The following CWF19L1 variants were observed in gnomAD, a reference collection of about 807,000 sequenced individuals.
CWF19L1 encodes the protein CWF19-like protein 1.
CWF19L1 carries 60 observed loss-of-function variants against 69.7 expected under a neutral mutation model. That is an observed-to-expected ratio of 0.86 (90% CI 0.70 to 1.07). CWF19L1 has a LOEUF of 1.07. CWF19L1 is among the 50% of genes least tolerant of loss of function. The pLI is 0.00. For missense variants in CWF19L1, 591 were observed against 638.9 expected (o/e 0.92, Z 0.81); for synonymous variants, 209 against 222.2 (o/e 0.94, Z 0.53).
intron 1 of CWF19L1, 36 bp downstream of exon 1, chr10:100,267,535 A>G: frequency 6.2e-7 from 1 of 1,614,094 alleles, no homozygotes; most frequent in Non-Finnish European, 8.5e-7. Context: ...CACGAAAGAG[A>G]CACAGGGAGA....
At position 100,239,433 on chromosome 10, in the gene CWF19L1, G is replaced by A. The variant is rs552334489; in HGVS notation, c.1045-1202C>T. Among the ~76,000 whole-genome samples, 454 of 152,310 alleles carry A rather than the reference G, an allele frequency of 3.0e-3. 4 individuals are homozygous for A. The highest frequency in any genetic ancestry group is 0.011 in the African/African-American group (443 of 41,572). On this transcript the variant is annotated intron_variant, in intron 10 of 13. Coordinates refer to ENST00000354105, the MANE Select transcript of CWF19L1 (RefSeq NM_018294.6). ...AGGCAAATGGATCGCGAGGTCAGGA[G>A]TTCAAGACCAGCCTGGCCAACAAGG...
chr10:100,259,949 G>A (rs951594901), intron 4 of CWF19L1, among the ~76,000 whole-genome samples: 2 of 152,128 alleles, frequency 1.3e-5, no homozygotes, highest in African/African-American at 4.8e-5. Context: ...GGCGGATCAC[G>A]AGGTAAGGAG....
intron 1 of CWF19L1, among the ~76,000 whole-genome samples, chr10:100,265,538 T>C (rs929570507): frequency 2.8e-4 from 43 of 151,178 alleles, no homozygotes; most frequent in African/African-American, 1.0e-3. Flanking sequence ...TTTTTTTTTT[T>C]TTGAGACAGT....
intron 8 of CWF19L1, among the ~76,000 whole-genome samples, chr10:100,246,390 G>A (rs1846819943): frequency 1.3e-5 from 2 of 152,178 alleles, no homozygotes; most frequent in East Asian, 3.8e-4. Flanking sequence ...AAATTAATTT[G>A]AGAAAACTCT....
rs587780326 is a variant in CWF19L1, at chr10:100,245,798, C to T, written c.964+1G>A. ...GAAACCTCTGGAATAAAGGTACTTA[C>T]GAGGTTTGCGAGGCTGCTTTGGATG... is the stretch of plus-strand genomic sequence containing the variant. On this transcript the variant is annotated splice_donor_variant, in intron 9 of 13. Coordinates refer to ENST00000354105, the MANE Select transcript of CWF19L1 (RefSeq NM_018294.6). LOFTEE classifies it high-confidence loss of function. The T allele has an allele frequency of 8.2e-5, 132 of 1,608,136 alleles. No homozygotes were observed. The highest frequency in any genetic ancestry group is 6.6e-5 in the Non-Finnish European group (77 of 1,174,706).
rs1049651908 is a variant in CWF19L1, at chr10:100,257,412, G to A, written c.290-936C>T. Among the ~76,000 whole-genome samples the A allele has an allele frequency of 8.9e-5, 13 of 146,474 alleles. No individual in the cohort carries two copies. The East Asian group carries it at 2.4e-3, about 27-fold the overall frequency. On this transcript the variant is annotated intron_variant, in intron 4 of 13. Coordinates refer to ENST00000354105, the MANE Select transcript of CWF19L1 (RefSeq NM_018294.6). ...CCTCCCGGGTTCAAGTGATTCTCCT[G>A]CCTCAGCCTCCCAAGTAGCTGGGAC...
At chr10:100,248,088 G>C (rs1031719352) in intron 7 of CWF19L1, among the ~76,000 whole-genome samples, 19 of 152,126 alleles carry the variant, frequency 1.2e-4, no homozygotes, top group Non-Finnish European at 4.4e-5. Flanking sequence ...ACATGTCCCT[G>C]AGAATAAAAC....
intron 11 of CWF19L1, chr10:100,237,191 T>G: frequency 1.4e-6 from 1 of 722,998 alleles, no homozygotes; most frequent in Non-Finnish European, 2.6e-6. Context: ...AGGAAAGGCT[T>G]AAGAGAGATA....
chr10:100,246,766 A>G (rs1366011489), intron 8 of CWF19L1, 29 bp downstream of exon 8: 2 of 1,580,832 alleles, frequency 1.3e-6, no homozygotes, highest in African/African-American at 1.4e-5. Context: ...GAACACATAT[A>G]AAAATGCCAA....
At chr10:100,247,946 G>GA (rs1018725462) in intron 7 of CWF19L1, among the ~76,000 whole-genome samples, 38 of 147,282 alleles carry the variant, frequency 2.6e-4, no homozygotes, top group East Asian at 1.8e-3. Context: ...TATGGAGGGG[G>GA]AAAAAAAAAA....
chr10:100,251,254 G>C (rs374696329), intron 6 of CWF19L1, among the ~76,000 whole-genome samples: 1 of 152,128 alleles, frequency 6.6e-6, no homozygotes, highest in Admixed American at 6.5e-5. Context: ...CCGTTACCAT[G>C]CTGCTGACTC....
Position 100,248,285 on chromosome 10 carries a change from C to G in CWF19L1, c.709-1350G>C, listed in dbSNP as rs113841640. 5 of 1,357,476 alleles carry G rather than the reference C, an allele frequency of 3.7e-6. No homozygotes were observed. The African/African-American group carries it at 5.7e-5, about 15-fold the overall frequency. 84.1% of individuals were successfully genotyped at this position (1,357,476 alleles called of 1,614,324 possible). A position where few individuals can be genotyped will look rare whatever the true frequency, so the allele number is the denominator to read the frequency against. On this transcript the variant is annotated intron_variant, in intron 7 of 13. Coordinates refer to ENST00000354105, the MANE Select transcript of CWF19L1 (RefSeq NM_018294.6). The stretch of plus-strand genomic sequence containing the variant: ...CATGGCTGCCAAAGTGTTTTGAGTC[C>G]GTTGGCAAGTTTGGCCTGGCCTTAG...
At chr10:100,239,352 T>C (rs890240811) in intron 10 of CWF19L1, among the ~76,000 whole-genome samples, 2 of 152,038 alleles carry the variant, frequency 1.3e-5, no homozygotes, top group African/African-American at 4.8e-5. Flanking sequence ...TAGAAAACAA[T>C]TATCCAGACC....
At chr10:100,257,634 C>T (rs1031643316) in intron 4 of CWF19L1, among the ~76,000 whole-genome samples, 7 of 152,096 alleles carry the variant, frequency 4.6e-5, no homozygotes, top group African/African-American at 1.4e-4. Context: ...CAATCAGTTT[C>T]CCTCTCCCAT....
In CWF19L1 at chr10:100,259,664, C is replaced by A. The variant is rs190404647; in HGVS notation, c.289+554G>T. Among the ~76,000 whole-genome samples the A allele has an allele frequency of 2.7e-3, 416 of 152,176 alleles. 2 individuals carry two copies. Among genetic ancestry groups the A allele is most frequent in the African/African-American group, 9.7e-3 (403 of 41,506 alleles). On this transcript the variant is annotated intron_variant, in intron 4 of 13. Transcript: ENST00000354105. ...AAGTGTGTACCGGGTTGTGGGAACGCAACGATATTGGGGCTAAGTGGTAGA... is the reference window on the plus strand; with the variant it reads ...AAGTGTGTACCGGGTTGTGGGAACGAAACGATATTGGGGCTAAGTGGTAGA...
chr10:100,245,668 G>T, intron 9 of CWF19L1, 131 bp downstream of exon 9: 1 of 657,902 alleles, frequency 1.5e-6, no homozygotes. Context: ...TATTTTTACT[G>T]TTGGTCCTAA....
intron 7 of CWF19L1, chr10:100,249,178 C>T: frequency 3.1e-6 from 1 of 325,576 alleles, no homozygotes. Flanking sequence ...TATGAAATTT[C>T]ATGATTGGCT....
chr10:100,245,991 G>A, intron 8 of CWF19L1, 78 bp from the exon 9 acceptor site: 3 of 1,012,084 alleles, frequency 3.0e-6, no homozygotes, highest in East Asian at 2.4e-5. Context: ...ACATACAAGG[G>A]AACATTCCTG....
At chr10:100,248,888 T>A (rs986959907) in intron 7 of CWF19L1, 5 of 983,952 alleles carry the variant, frequency 5.1e-6, no homozygotes, top group Non-Finnish European at 8.1e-6. Context: ...AAGGCAGCCA[T>A]CATCTCTGCT....
Sources: allele counts gnomAD v4.1 joint callset (sites outside exome capture counted in the v4.1 genomes callset), GRCh38; gene constraint gnomAD v4.1.1; transcripts MANE v1.5; gene names NCBI Gene and HGNC (gene_info 2026-07-23, HGNC 2026-07-21).